DNAJC5G: variants seen among roughly 807,000 people sequenced by gnomAD.
The protein encoded by DNAJC5G is DnaJ heat shock protein family (Hsp40) member C5 gamma, also known as dnaJ homolog subfamily C member 5G.
A neutral mutation model predicts 19.1 loss-of-function variants in DNAJC5G; 13 were observed. The observed-to-expected ratio is 0.68, with a 90% CI of 0.44 to 1.08. The LOEUF (loss-of-function observed/expected upper bound fraction) is 1.08. Among genes scored for constraint, DNAJC5G ranks in the 50% least tolerant of loss-of-function variants. DNAJC5G has a pLI of 0.00. For synonymous variants in DNAJC5G, 81 were observed against 84.4 expected, an observed-to-expected ratio of 0.96 and a Z score of 0.22; for missense variants, 245 against 230.4, an observed-to-expected ratio of 1.06 and a Z score of -0.41.
chr2:27,276,581 A>G, intron 2 of DNAJC5G, 145 bp from the exon 3 acceptor site: 1 of 620,224 alleles, frequency 1.6e-6, no homozygotes, highest in South Asian at 2.1e-5. Flanking sequence ...CACAAATCCC[A>G]CTCACTCTTA....
chr2:27,279,070 G>T (rs943597634), intron 5 of DNAJC5G, among the ~76,000 whole-genome samples: 146 of 151,830 alleles, frequency 9.6e-4, no homozygotes, highest in Non-Finnish European at 1.6e-3. Context: ...AAAATGGCAG[G>T]TTAATCCCTA....
Position 27,277,959 on chromosome 2 carries a change from C to G in DNAJC5G, c.319C>G (p.His107Asp). 1 of 1,614,198 alleles carries G rather than the reference C, an allele frequency of 6.2e-7. No individual in the cohort carries two copies. The highest frequency in any genetic ancestry group is 8.5e-7 in the Non-Finnish European group (1 of 1,180,048). ...HGSLGIYLYD[H>D]FGEEGVRYYF... ...CTCATTGGGAATATATCTGTATGAT[C>G]ACTTTGGTGAAGAAGGCGTCAGATA... The change falls in exon 4 of 7, where the codon CAC (histidine) becomes GAC (aspartate). Residue 107 changes from histidine to aspartate, a missense_variant. Physicochemically the swap from His to Asp is moderately conservative, Grantham distance 81. Coordinates refer to ENST00000296097, the MANE Select transcript of DNAJC5G (RefSeq NM_173650.3).
intron 3 of DNAJC5G, 73 bp downstream of exon 3, chr2:27,276,914 T>A: frequency 1.9e-6 from 2 of 1,055,394 alleles, no homozygotes; most frequent in Non-Finnish European, 2.7e-6. Context: ...TCTCTTTTGC[T>A]ATCTGACTCT....
intron 3 of DNAJC5G, 30 bp downstream of exon 3, chr2:27,276,871 G>A (rs1421164722): frequency 6.3e-7 from 1 of 1,574,994 alleles, no homozygotes; most frequent in East Asian, 2.3e-5. Flanking sequence ...ATTGATCCTT[G>A]GAATTTCCCC....
chr2:27,280,068 G>A (rs1678300299), intron 5 of DNAJC5G, 98 bp from the exon 6 acceptor site: 4 of 1,130,828 alleles, frequency 3.5e-6, no homozygotes, highest in South Asian at 2.6e-5. Context: ...ACCTGGTGAT[G>A]CTAATGAGTA....
intron 5 of DNAJC5G, among the ~76,000 whole-genome samples, chr2:27,278,551 C>T (rs1678220132): frequency 6.6e-6 from 1 of 151,002 alleles, no homozygotes; most frequent in Non-Finnish European, 1.5e-5. Context: ...CATGGTGGCA[C>T]CCACCTGTAG....
rs1677973136 is a variant in DNAJC5G at position 27,275,433 on chromosome 2, G to A, written c.-406G>A. ...TTCCGGGGGCGCCAAAAAACGACCTGCCCAGACCCTCAGCGTCGACGCTGC... is the reference window on the plus strand; with the variant it reads ...TTCCGGGGGCGCCAAAAAACGACCTACCCAGACCCTCAGCGTCGACGCTGC... On this transcript the variant is annotated 5_prime_UTR_variant, in exon 1 of 7. Transcript: ENST00000296097. 2.8e-6 allele frequency: 1 copy of A among 358,960 alleles called. No individual in the cohort carries two copies. Among genetic ancestry groups the A allele is most frequent in the Non-Finnish European group, 5.5e-6 (1 of 182,646 alleles). 22.2% of individuals were successfully genotyped at this position (358,960 alleles called of 1,614,324 possible).
At chr2:27,275,663 C>G (rs962665562) in intron 1 of DNAJC5G, 110 bp downstream of exon 1, 1 of 187,298 alleles carries the variant, frequency 5.3e-6, no homozygotes, top group Non-Finnish European at 1.1e-5. Flanking sequence ...GGGCCGCAGG[C>G]GTCTACCCTG....
intron 5 of DNAJC5G, among the ~76,000 whole-genome samples, chr2:27,279,767 A>G (rs1678283563): frequency 6.6e-6 from 1 of 150,494 alleles, no homozygotes; most frequent in Admixed American, 6.6e-5. Context: ...AAAAAAAAAT[A>G]CAGAAGTCAG....
At chr2:27,276,627 TA>T in intron 2 of DNAJC5G, 98 bp from the exon 3 acceptor site, 1 of 992,198 alleles carries the variant, frequency 1.0e-6, no homozygotes, top group Non-Finnish European at 1.5e-6. Context: ...TTTACCTGCC[TA>T]ATCCCTGAAG....
intron 1 of DNAJC5G, chr2:27,275,861 T>C (rs1678017812): frequency 8.2e-6 from 1 of 122,556 alleles, no homozygotes; most frequent in Non-Finnish European, 1.7e-5. Flanking sequence ...CTGCAAGCAC[T>C]CCCCACCCCC....
intron 1 of DNAJC5G, 139 bp downstream of exon 1, chr2:27,275,692 C>T: frequency 6.1e-6 from 1 of 163,032 alleles, no homozygotes; most frequent in Non-Finnish European, 1.4e-5. Flanking sequence ...GGTTCCGCTG[C>T]CTTTTCCTTG....
chr2:27,281,040 G>A lies in DNAJC5G; in HGVS notation c.*630G>A, dbSNP rs768923175. ...CTATGAGTCAACTCAGGAAAACTGC[G>A]AGTGCATTTGAGGCTTAGGGGTAGT... On this transcript the variant is annotated 3_prime_UTR_variant, in exon 7 of 7. Transcript: ENST00000296097. 4 of 152,312 alleles carry A rather than the reference G, an allele frequency of 2.6e-5. No homozygotes were observed. Among genetic ancestry groups the A allele is most frequent in the African/African-American group, 9.7e-5 (4 of 41,444 alleles). 9.4% of individuals were successfully genotyped at this position (152,312 alleles called of 1,614,324 possible). A position where few individuals can be genotyped will look rare whatever the true frequency, so the allele number is the denominator to read the frequency against.
At chr2:27,279,004 C>CAAAAAAAAAAAAA (rs1227842823) in intron 5 of DNAJC5G, among the ~76,000 whole-genome samples, 2 of 56,830 alleles carry the variant, frequency 3.5e-5, no homozygotes, top group Non-Finnish European at 8.1e-5. Context: ...GACTCCATCT[C>CAAAAAAAAAAAAA]AAAAAAAAAA....
chr2:27,278,673 G>T (rs1310317365), intron 5 of DNAJC5G, among the ~76,000 whole-genome samples: 1 of 98,388 alleles, frequency 1.0e-5, no homozygotes, highest in African/African-American at 4.1e-5. Context: ...GACAGAGCAA[G>T]ACTCCATCTC....
At chr2:27,278,162 T>A (rs1420693287) in intron 4 of DNAJC5G, 26 bp from the exon 5 acceptor site, 4 of 1,614,054 alleles carry the variant, frequency 2.5e-6, no homozygotes, top group Middle Eastern at 1.6e-4. Context: ...ACTGCTGGAC[T>A]GAGGCCATTC....
chr2:27,277,799 T>A lies in DNAJC5G; in HGVS notation c.159T>A (p.Gly53=). 1 of 1,613,916 alleles carries A rather than the reference T, an allele frequency of 6.2e-7. No individual in the cohort carries two copies. The highest frequency in any genetic ancestry group is 1.1e-5 in the South Asian group (1 of 91,062). The change falls in exon 4 of 7, where the codon GGT becomes GGA. Residue 53 remains glycine, a synonymous_variant. Coordinates refer to ENST00000296097, the MANE Select transcript of DNAJC5G (RefSeq NM_173650.3). ...ACCCTCCTTTTGAGTATCACCTGGG[T>A]AGGAAACTGGCCTTGCGGTATCATC... The part of the protein sequence containing the change: ...LPHPPFEYHL[G]RKLALRYHPD...
Position 27,280,446 on chromosome 2 carries a change from G to T in DNAJC5G, c.*36G>T, listed in dbSNP as rs1265906875. ...GCCACTAGGTGCTGACCCAGTGAGG[G>T]TGCCTTCTGCTGCCCAGTCCCCTGG... On this transcript the variant is annotated 3_prime_UTR_variant, in exon 7 of 7. Coordinates refer to ENST00000296097, the MANE Select transcript of DNAJC5G (RefSeq NM_173650.3). The T allele has an allele frequency of 4.0e-6, 2 of 505,918 alleles. No individual in the cohort carries two copies. The highest frequency in any genetic ancestry group is 6.8e-5 in the East Asian group (2 of 29,296). The allele number at this position is 505,918 out of a possible 1,614,324, so 31.3% of individuals were successfully genotyped here. A position where few individuals can be genotyped will look rare whatever the true frequency, so the allele number is the denominator to read the frequency against.
At chr2:27,277,728 C>T (rs2148175326) in intron 3 of DNAJC5G, 26 bp from the exon 4 acceptor site, 1 of 1,613,100 alleles carries the variant, frequency 6.2e-7, no homozygotes, top group Non-Finnish European at 8.5e-7. Flanking sequence ...TAATCCATGT[C>T]ATTCATCGTA....
Sources: gnomAD v4.1 joint callset for allele counts (sites outside exome capture counted in the v4.1 genomes callset) on GRCh38, gnomAD v4.1.1 for gene constraint, MANE v1.5 for transcripts, NCBI Gene and HGNC (gene_info 2026-07-23, HGNC 2026-07-21) for gene names.